NALF1: variants seen among roughly 807,000 people sequenced by gnomAD.
NALF1 encodes the protein NALCN channel auxiliary factor 1.
Under a neutral mutation model 48.4 loss-of-function variants are expected in NALF1, and 3 were observed. The observed-to-expected ratio is 0.06, with a 90% confidence interval of 0.03 to 0.16. NALF1 has a LOEUF of 0.16. Ranked by LOEUF, NALF1 falls within the 10% of genes least tolerant of loss-of-function variation. The pLI is 1.00. For missense variants in NALF1, 526 were observed against 571.5 expected, an observed-to-expected ratio of 0.92 and a Z score of 0.81; for synonymous variants, 262 against 245.7, an observed-to-expected ratio of 1.07 and a Z score of -0.62.
At chr13:107,400,700 T>C (rs1883789847) in intron 1 of NALF1, among the ~76,000 whole-genome samples, 2 of 135,414 alleles carry the variant, frequency 1.5e-5, no homozygotes, top group Admixed American at 1.6e-4. Context: ...CGAGACTCTG[T>C]CTCAAAATAA....
chr13:107,197,165 C>T (rs373750100), intron 2 of NALF1, among the ~76,000 whole-genome samples: 1 of 152,058 alleles, frequency 6.6e-6, no homozygotes, highest in East Asian at 1.9e-4. Flanking sequence ...GCTGGAAGAC[C>T]CTCACTAGAG....
At chr13:107,219,660 T>C (rs1044244012) in intron 1 of NALF1, among the ~76,000 whole-genome samples, 11 of 152,224 alleles carry the variant, frequency 7.2e-5, no homozygotes, top group Non-Finnish European at 1.6e-4. Context: ...ATCTACAATC[T>C]ATTTAGAAAA....
chr13:107,252,766 C>T (rs905772467), intron 1 of NALF1, among the ~76,000 whole-genome samples: 1 of 152,134 alleles, frequency 6.6e-6, no homozygotes, highest in African/African-American at 2.4e-5. Context: ...ACAATATAAA[C>T]AATATTATTT....
chr13:107,371,911 G>C (rs1883254490), intron 1 of NALF1, among the ~76,000 whole-genome samples: 2 of 152,130 alleles, frequency 1.3e-5, no homozygotes, highest in African/African-American at 4.8e-5. Context: ...ATTTAATCAA[G>C]CTTTTCCAGA....
intron 1 of NALF1, among the ~76,000 whole-genome samples, chr13:107,361,186 CA>C (rs1883054669): frequency 6.6e-6 from 1 of 152,084 alleles, no homozygotes; most frequent in Non-Finnish European, 1.5e-5. Context: ...GACAGATAAA[CA>C]AAAAGCTACT....
chr13:107,293,308 A>T (rs1475499494), intron 1 of NALF1, among the ~76,000 whole-genome samples: 1 of 152,086 alleles, frequency 6.6e-6, no homozygotes, highest in Non-Finnish European at 1.5e-5. Context: ...TGGAGCCACC[A>T]TCGTACATGT....
chr13:107,578,335 T>C (rs1239163216), intron 1 of NALF1, among the ~76,000 whole-genome samples: 1 of 152,238 alleles, frequency 6.6e-6, no homozygotes, highest in Non-Finnish European at 1.5e-5. Flanking sequence ...TCTTGCCGTG[T>C]TGAAATAAAT....
In NALF1 at chr13:107,362,798, CTGAG is replaced by C; in HGVS notation, c.916-152047_916-152044del. On this transcript the variant is annotated intron_variant, in intron 1 of 2. Transcript: ENST00000375915. This position sits in a 1 kb window ranked among gnomAD's most constrained non-coding sequence, Gnocchi z 4.6. ...TTCCCATAGGTGAGCATGTACCTGTCTGAGTGGGCACACATATGGAGCAACCAGG... is the reference window on the plus strand; with the variant it reads ...TTCCCATAGGTGAGCATGTACCTGTCTGGGCACACATATGGAGCAACCAGG... 6.6e-6 allele frequency among the ~76,000 whole-genome samples: 1 copy of C among 152,264 alleles called. No individual in the cohort carries two copies. The highest frequency in any genetic ancestry group is 2.1e-4 in the South Asian group (1 of 4,818).
At chr13:107,298,541 C>T (rs1881772179) in intron 1 of NALF1, among the ~76,000 whole-genome samples, 1 of 151,826 alleles carries the variant, frequency 6.6e-6, no homozygotes, top group African/African-American at 2.4e-5. Context: ...AAGTGATTCT[C>T]TTGTCTCAGC....
At chr13:107,488,484 T>C (rs534876718) in intron 1 of NALF1, among the ~76,000 whole-genome samples, 6 of 152,148 alleles carry the variant, frequency 3.9e-5, no homozygotes, top group Non-Finnish European at 8.8e-5. Context: ...AATCAATAAA[T>C]GTGATTCATC....
intron 1 of NALF1, among the ~76,000 whole-genome samples, chr13:107,575,839 A>T (rs982209709): frequency 6.6e-6 from 1 of 152,084 alleles, no homozygotes; most frequent in Non-Finnish European, 1.5e-5. Flanking sequence ...TCAGTTTGAG[A>T]TTGCCATAGA....
At chr13:107,762,376 T>C (rs1021777354) in intron 1 of NALF1, among the ~76,000 whole-genome samples, 3 of 152,054 alleles carry the variant, frequency 2.0e-5, no homozygotes, top group Non-Finnish European at 2.9e-5. Context: ...GTTATACATA[T>C]GTAACAAACC....
At chr13:107,469,890 C>T (rs1365169998) in intron 1 of NALF1, among the ~76,000 whole-genome samples, 1 of 151,652 alleles carries the variant, frequency 6.6e-6, no homozygotes, top group Non-Finnish European at 1.5e-5. Flanking sequence ...ACTACAGGTG[C>T]CTGCCACCAC....
intron 1 of NALF1, among the ~76,000 whole-genome samples, chr13:107,267,168 GAGCA>G (rs1341107079): frequency 2.0e-5 from 3 of 152,184 alleles, no homozygotes; most frequent in Non-Finnish European, 4.4e-5. Flanking sequence ...CCTCAAAATA[GAGCA>G]AGCAGTCAAT....
chr13:107,293,933 A>C (rs1881677866), intron 1 of NALF1, among the ~76,000 whole-genome samples: 1 of 152,252 alleles, frequency 6.6e-6, no homozygotes, highest in Non-Finnish European at 1.5e-5. Flanking sequence ...ATGGCATAGA[A>C]GGCAAGAGTG....
intron 1 of NALF1, among the ~76,000 whole-genome samples, chr13:107,738,113 G>C (rs181495616): frequency 1.4e-3 from 214 of 152,200 alleles, no homozygotes; most frequent in Admixed American, 4.3e-3. Flanking sequence ...GTCACCATTG[G>C]TCACTTATCA....
intron 1 of NALF1, among the ~76,000 whole-genome samples, chr13:107,742,572 T>C (rs773828727): frequency 2.0e-5 from 3 of 152,190 alleles, no homozygotes; most frequent in Admixed American, 6.5e-5. Context: ...TCCACCATGA[T>C]TGTAAGTTTC....
At chr13:107,585,239 T>C (rs1878421611) in intron 1 of NALF1, among the ~76,000 whole-genome samples, 1 of 151,984 alleles carries the variant, frequency 6.6e-6, no homozygotes, top group South Asian at 2.1e-4. Context: ...TGAAAATAGA[T>C]ACAGATAAAT....
At chr13:107,288,994 G>A (rs1237963711) in intron 1 of NALF1, among the ~76,000 whole-genome samples, 1 of 131,680 alleles carries the variant, frequency 7.6e-6, no homozygotes, top group African/African-American at 2.7e-5. Context: ...AACTGTCAAA[G>A]TATGAAAAAA....
Sources: gnomAD v4.1 joint callset for allele counts (sites outside exome capture counted in the v4.1 genomes callset) on GRCh38, gnomAD v4.1.1 for gene constraint, Gnocchi (gnomAD v3.1) non-coding constraint, MANE v1.5 for transcripts, NCBI Gene and HGNC (gene_info 2026-07-23, HGNC 2026-07-21) for gene names.